Variants in PDE9A observed in about 807,000 individuals in gnomAD.
PDE9A encodes the protein phosphodiesterase 9A, also known as high affinity cGMP-specific 3',5'-cyclic phosphodiesterase 9A.
PDE9A carries 60 observed loss-of-function variants against 87.4 expected under a neutral mutation model. That is an observed-to-expected ratio of 0.69 (90% CI 0.56 to 0.85). The LOEUF is 0.85. Ranked by LOEUF, PDE9A falls within the 40% of genes least tolerant of loss-of-function variation. The pLI is 0.00. For synonymous variants in PDE9A, 272 were observed against 279.4 expected (o/e 0.97, Z 0.27); for missense variants, 665 against 779.0 (o/e 0.85, Z 1.74).
intron 10 of PDE9A, chr21:42,757,586 T>C (rs537684614): frequency 1.3e-4 from 20 of 152,340 alleles, no homozygotes; most frequent in African/African-American, 4.6e-4. Flanking sequence ...AAGTCCAGGA[T>C]CAAGGTGCTG....
In PDE9A at chr21:42,768,211, C is replaced by T. The variant is rs755070066; in HGVS notation, c.1380C>T (p.Cys460=). 4 of 1,608,282 alleles carry T rather than the reference C, an allele frequency of 2.5e-6. No individual in the cohort carries two copies. Among genetic ancestry groups the T allele is most frequent in the Non-Finnish European group, 3.4e-6 (4 of 1,174,598 alleles). ...MTLLKMILIK[C]CDISNEVRPM... The stretch of plus-strand genomic sequence containing the variant: ...AGCTGAAGATGATTTTGATAAAATG[C>T]TGTGATATCTCTAACGAGGTCCGTC... Residue 460 remains cysteine (C), a synonymous_variant, in exon 16 of 20, where the codon TGC becomes TGT. Transcript: ENST00000291539.
intron 4 of PDE9A, among the ~76,000 whole-genome samples, chr21:42,700,495 C>T (rs1055484813): frequency 1.3e-5 from 2 of 152,162 alleles, no homozygotes; most frequent in East Asian, 1.9e-4. Flanking sequence ...GTTTGTCTGA[C>T]GTTTCTCTCA....
intron 1 of PDE9A, among the ~76,000 whole-genome samples, chr21:42,672,823 T>C (rs2058637309): frequency 6.6e-6 from 1 of 152,220 alleles, no homozygotes; most frequent in Non-Finnish European, 1.5e-5. Flanking sequence ...TGCTAATCAA[T>C]GCGGGGCTCC....
At chr21:42,666,529 C>T (rs1319952834) in intron 1 of PDE9A, among the ~76,000 whole-genome samples, 1 of 152,160 alleles carries the variant, frequency 6.6e-6, no homozygotes, top group Non-Finnish European at 1.5e-5. Context: ...CACAAAGGAC[C>T]ACAGGCCCGG....
intron 4 of PDE9A, 28 bp from the exon 5 acceptor site, chr21:42,731,742 G>A (rs766259455): frequency 6.3e-7 from 1 of 1,593,586 alleles, no homozygotes; most frequent in South Asian, 1.1e-5. Context: ...CCCATATTTG[G>A]AAACCCAGTC....
intron 1 of PDE9A, among the ~76,000 whole-genome samples, chr21:42,654,506 C>T (rs144690345): frequency 4.6e-5 from 7 of 152,284 alleles, no homozygotes; most frequent in Non-Finnish European, 8.8e-5. Flanking sequence ...TTCGTGGCCC[C>T]CTCTGACGGG....
At position 42,660,628 on chromosome 21, in the gene PDE9A, A is replaced by T. The variant is rs1475398610; in HGVS notation, c.69+6745A>T. 4.1e-5 allele frequency among the ~76,000 whole-genome samples: 6 copies of T among 144,908 alleles called. No homozygotes were observed. Among genetic ancestry groups the T allele is most frequent in the African/African-American group, 1.7e-4 (6 of 35,886 alleles). ...CTTCCCCAAACACTATTGGAATTAAAAAAAAAAAAAAAGATTAAAATGGTT... is the reference window on the plus strand; with the variant it reads ...CTTCCCCAAACACTATTGGAATTAATAAAAAAAAAAAAGATTAAAATGGTT... On this transcript the variant is annotated intron_variant, in intron 1 of 19. Transcript: ENST00000291539. The surrounding 1 kb of genome is among the most constrained non-coding windows in gnomAD (Gnocchi z 4.7).
rs1466523637 is a variant in PDE9A, at chr21:42,694,659, G to T, written c.219-4309G>T. Among the ~76,000 whole-genome samples the T allele has an allele frequency of 1.3e-5, 2 of 152,148 alleles. No homozygotes were observed. The highest frequency in any genetic ancestry group is 4.8e-5 in the African/African-American group (2 of 41,422). On this transcript the variant is annotated intron_variant, in intron 3 of 19. Transcript: ENST00000291539. The surrounding 1 kb of genome is among the most constrained non-coding windows in gnomAD (Gnocchi z 5.3). ...CTTTAGATTTTGGTGGCTGGCTCCT[G>T]TTGTGGACCGCATCTCACAGGTGGA... is the stretch of plus-strand genomic sequence containing the variant.
chr21:42,658,349 T>A (rs1275755665), intron 1 of PDE9A, among the ~76,000 whole-genome samples: 1 of 152,234 alleles, frequency 6.6e-6, no homozygotes, highest in Non-Finnish European at 1.5e-5. Context: ...TGATCTGTCC[T>A]GTTCAGGCCC....
intron 1 of PDE9A, among the ~76,000 whole-genome samples, chr21:42,682,089 C>T (rs1037416718): frequency 2.6e-5 from 4 of 152,244 alleles, no homozygotes; most frequent in South Asian, 2.1e-4. Flanking sequence ...CCCACTTTGG[C>T]GCCGCTGGAG....
intron 17 of PDE9A, among the ~76,000 whole-genome samples, chr21:42,769,751 C>T (rs878990649): frequency 6.8e-6 from 1 of 147,352 alleles, no homozygotes; most frequent in African/African-American, 2.4e-5. Context: ...CACATGCACA[C>T]ACAGGTATGC....
intron 4 of PDE9A, among the ~76,000 whole-genome samples, chr21:42,719,479 A>C (rs1339479287): frequency 1.3e-5 from 2 of 150,556 alleles, no homozygotes; most frequent in Non-Finnish European, 3.0e-5. Flanking sequence ...TTCTAAAAAA[A>C]ATTTTGAAAA....
At chr21:42,711,219 T>C (rs578178525) in intron 4 of PDE9A, among the ~76,000 whole-genome samples, 5 of 152,170 alleles carry the variant, frequency 3.3e-5, no homozygotes, top group Non-Finnish European at 5.9e-5. Context: ...AGTTTTTCTG[T>C]TGTGGTCAGT....
intron 1 of PDE9A, among the ~76,000 whole-genome samples, chr21:42,676,370 A>C (rs926108426): frequency 6.6e-6 from 1 of 152,220 alleles, no homozygotes; most frequent in Non-Finnish European, 1.5e-5. Flanking sequence ...CATCGCCGCA[A>C]GGCTGCCTCT....
At chr21:42,678,661 G>A (rs908616267) in intron 1 of PDE9A, among the ~76,000 whole-genome samples, 8 of 152,236 alleles carry the variant, frequency 5.3e-5, no homozygotes, top group African/African-American at 9.6e-5. Flanking sequence ...ATTTGAAGTC[G>A]TATGTGGAAG....
At chr21:42,753,027 G>A (rs141550770) in intron 9 of PDE9A, among the ~76,000 whole-genome samples, 1,712 of 151,834 alleles carry the variant, frequency 0.011, 32 homozygotes, top group African/African-American at 0.039. Context: ...TTATTTTTGA[G>A]ATGGAGTCTC....
intron 4 of PDE9A, among the ~76,000 whole-genome samples, chr21:42,710,101 T>G (rs2049178936): frequency 6.6e-6 from 1 of 152,174 alleles, no homozygotes; most frequent in Non-Finnish European, 1.5e-5. Flanking sequence ...GACTTACTTG[T>G]TAAGTGTAAG....
chr21:42,711,180 T>A (rs1364530037), intron 4 of PDE9A, among the ~76,000 whole-genome samples: 1 of 152,134 alleles, frequency 6.6e-6, no homozygotes. Flanking sequence ...CAGAGGTTTT[T>A]AATTTGGTGA....
Position 42,731,836 on chromosome 21 carries a change from G to A in PDE9A, c.329G>A (p.Arg110Gln), listed in dbSNP as rs780611492. Reference protein sequence around the residue: ...QSAERPLRDRRVVGLEQPRRE... With the variant: ...QSAERPLRDRQVVGLEQPRRE... ...GCTGAGAGACCACTGAGGGACAGAC[G>A]GGTTGTGGGCCTGGAGCAGCCCCGG... The change falls in exon 5 of 20, where the codon CGG becomes CAG. Residue 110 changes from arginine to glutamine, a missense_variant. Physicochemically the swap from Arg to Gln is conservative, Grantham distance 43 (BLOSUM62 1). Transcript: ENST00000291539. 4.3e-6 allele frequency: 7 copies of A among 1,614,200 alleles called. No homozygotes were observed. Among genetic ancestry groups the A allele is most frequent in the East Asian group, 2.2e-5 (1 of 44,868 alleles).
Sources: gnomAD v4.1 joint callset for allele counts (sites outside exome capture counted in the v4.1 genomes callset) on GRCh38, gnomAD v4.1.1 for gene constraint, Gnocchi (gnomAD v3.1) non-coding constraint, MANE v1.5 for transcripts, NCBI Gene and HGNC (gene_info 2026-07-23, HGNC 2026-07-21) for gene names.